The following PI4KA variants were observed in gnomAD, a reference collection of about 807,000 sequenced individuals.
PI4KA encodes the protein phosphatidylinositol 4-kinase alpha.
In PI4KA, 122 loss-of-function variants were observed where a neutral mutation model predicts 271.4. The observed-to-expected ratio is 0.45, with a 90% CI of 0.39 to 0.52. PI4KA has a LOEUF of 0.52. PI4KA is among the 20% of genes least tolerant of loss of function. The pLI is 0.00. For synonymous variants in PI4KA, 1,041 were observed against 1,078.8 expected, an observed-to-expected ratio of 0.96 and a Z score of 0.69; for missense variants, 1,969 against 2,769.1, an observed-to-expected ratio of 0.71 and a Z score of 6.48.
intron 19 of PI4KA, among the ~76,000 whole-genome samples, chr22:20,780,881 T>C (rs886809231): frequency 3.3e-5 from 5 of 151,978 alleles, no homozygotes; most frequent in Admixed American, 2.6e-4. Flanking sequence ...ATCTGTTAAA[T>C]TGGAAGAAAT....
intron 39 of PI4KA, among the ~76,000 whole-genome samples, chr22:20,729,104 C>A (rs1927695275): frequency 6.6e-6 from 1 of 152,228 alleles, no homozygotes; most frequent in Non-Finnish European, 1.5e-5. Flanking sequence ...GCACCCCAGG[C>A]AGGCATCTGA....
chr22:20,744,643 G>C lies in PI4KA; in HGVS notation c.3441C>G (p.Asn1147Lys). 6.2e-7 allele frequency: 1 copy of C among 1,614,006 alleles called. No homozygotes were observed. The highest frequency in any genetic ancestry group is 8.5e-7 in the Non-Finnish European group (1 of 1,179,840). The change falls in exon 30 of 55, where the codon AAC becomes AAG. Residue 1147 changes from asparagine (N) to lysine (K), a missense_variant. This residue lies in a region of PI4KA where 203 missense variants were observed against 256.8 expected (regional missense o/e 0.79). Transcript: ENST00000255882. ...SNFMASLNLR[N>K]RYAGEVYGMI... is the part of the protein sequence containing the mutation. The stretch of plus-strand genomic sequence containing the variant: ...AGAGAAGCACCTCGCCCGCGTAGCG[G>C]TTGCGCAGATTCAGGGATGCCATGA...
chr22:20,843,721 A>G (rs1925887208), intron 1 of PI4KA, among the ~76,000 whole-genome samples: 1 of 152,164 alleles, frequency 6.6e-6, no homozygotes, highest in Admixed American at 6.5e-5. Flanking sequence ...AGGTTAGGCA[A>G]CTAGGTCCAG....
intron 19 of PI4KA, chr22:20,786,023 C>T (rs1039754220): frequency 4.3e-6 from 7 of 1,614,148 alleles, no homozygotes; most frequent in Non-Finnish European, 5.1e-6. Flanking sequence ...AGTGCTTCTG[C>T]CGAAATTCAA....
chr22:20,800,780 A>G (rs1601527730), intron 14 of PI4KA, among the ~76,000 whole-genome samples: 1 of 149,814 alleles, frequency 6.7e-6, no homozygotes, highest in Non-Finnish European at 1.5e-5. Flanking sequence ...AGGCTGAGGC[A>G]GGAGAATGGC....
At chr22:20,795,640 C>T (rs913168772) in intron 18 of PI4KA, among the ~76,000 whole-genome samples, 2 of 152,124 alleles carry the variant, frequency 1.3e-5, no homozygotes, top group Non-Finnish European at 2.9e-5. Flanking sequence ...TGGGGAGTTA[C>T]GAAGGAAGAG....
intron 42 of PI4KA, among the ~76,000 whole-genome samples, chr22:20,723,222 G>T (rs762244714): frequency 6.6e-6 from 1 of 151,462 alleles, no homozygotes; most frequent in East Asian, 2.0e-4. Flanking sequence ...GGGTTTCACC[G>T]TGTTAGCCAG....
intron 17 of PI4KA, 23 bp from the exon 18 acceptor site, chr22:20,796,337 A>G: frequency 6.2e-7 from 1 of 1,603,314 alleles, no homozygotes; most frequent in Middle Eastern, 1.7e-4. Flanking sequence ...GAGTGAAATA[A>G]CAGCCACTGC....
chr22:20,804,790 C>T (rs1935540120), intron 11 of PI4KA, among the ~76,000 whole-genome samples, 184 bp downstream of exon 11: 1 of 152,242 alleles, frequency 6.6e-6, no homozygotes, highest in Admixed American at 6.5e-5. Flanking sequence ...CAGGACAGGA[C>T]ACCAGACGTG....
chr22:20,778,577 T>G (rs750792146), intron 19 of PI4KA, among the ~76,000 whole-genome samples: 1 of 152,076 alleles, frequency 6.6e-6, no homozygotes, highest in East Asian at 1.9e-4. Context: ...CCCCAAAGAT[T>G]GCACAAATTT....
At chr22:20,776,177 A>G (rs981720436) in intron 19 of PI4KA, among the ~76,000 whole-genome samples, 1 of 152,042 alleles carries the variant, frequency 6.6e-6, no homozygotes, top group Non-Finnish European at 1.5e-5. Context: ...CAAAAAATTA[A>G]CTGGGTTTGG....
intron 16 of PI4KA, 28 bp downstream of exon 16, chr22:20,799,065 G>C: frequency 6.3e-7 from 1 of 1,594,312 alleles, no homozygotes; most frequent in Non-Finnish European, 8.6e-7. Context: ...CACAGGGTTA[G>C]TGGTGTTCTG....
chr22:20,713,224 G>A (rs1214543933), intron 48 of PI4KA, 57 bp downstream of exon 48: 4 of 1,256,292 alleles, frequency 3.2e-6, no homozygotes, highest in East Asian at 2.5e-5. Flanking sequence ...CGGGCCTGGA[G>A]CCTTGGGGAG....
intron 19 of PI4KA, among the ~76,000 whole-genome samples, chr22:20,775,207 C>G (rs1271687316): frequency 1.3e-5 from 2 of 151,498 alleles, no homozygotes; most frequent in African/African-American, 4.9e-5. Context: ...AAAAAAAAAG[C>G]AAAACAAACT....
At chr22:20,793,410 T>G (rs1934776493) in intron 18 of PI4KA, 167 bp from the exon 19 acceptor site, 1 of 509,440 alleles carries the variant, frequency 2.0e-6, no homozygotes, top group Admixed American at 3.3e-5. Context: ...CAGCATAATT[T>G]TAATAGCAAA....
intron 1 of PI4KA, among the ~76,000 whole-genome samples, chr22:20,845,702 T>C (rs1926143162): frequency 6.6e-6 from 1 of 152,092 alleles, no homozygotes; most frequent in South Asian, 2.1e-4. Flanking sequence ...AGAGTTTCAT[T>C]AGAGATGCGC....
At chr22:20,775,036 T>C (rs978180831) in intron 19 of PI4KA, among the ~76,000 whole-genome samples, 2 of 152,290 alleles carry the variant, frequency 1.3e-5, no homozygotes, top group East Asian at 3.9e-4. Flanking sequence ...TTCCAAACTT[T>C]AGGCAGTTAC....
At chr22:20,852,504 T>A (rs1033017125) in intron 1 of PI4KA, among the ~76,000 whole-genome samples, 2 of 152,238 alleles carry the variant, frequency 1.3e-5, no homozygotes, top group Non-Finnish European at 2.9e-5. Context: ...TACTTTGTTA[T>A]GGCAGCCTAG....
At chr22:20,755,177 T>C (rs574014503) in intron 23 of PI4KA, among the ~76,000 whole-genome samples, 1 of 152,336 alleles carries the variant, frequency 6.6e-6, no homozygotes, top group South Asian at 2.1e-4. Context: ...GTCTAATCAT[T>C]ACAGAACCGT....
Sources: allele counts gnomAD v4.1 joint callset (sites outside exome capture counted in the v4.1 genomes callset), GRCh38; gene constraint gnomAD v4.1.1; regional missense constraint gnomAD v4.1.1; transcripts MANE v1.5; gene names NCBI Gene and HGNC (gene_info 2026-07-23, HGNC 2026-07-21).